The following CDK14 variants were observed in gnomAD, a reference collection of about 807,000 sequenced individuals.
CDK14 encodes the protein cyclin dependent kinase 14, also known as cyclin-dependent kinase 14.
A neutral mutation model predicts 60.7 loss-of-function variants in CDK14; 34 were observed. The ratio of observed to expected loss-of-function variants is 0.56; its 90% CI spans 0.43 to 0.75. The LOEUF (loss-of-function observed/expected upper bound fraction) is 0.75. Ranked by LOEUF, CDK14 falls within the 30% of genes least tolerant of loss-of-function variation. The pLI, the probability that CDK14 is intolerant of heterozygous loss-of-function variation, is 0.00. For synonymous variants in CDK14, 197 were observed against 203.7 expected, an observed-to-expected ratio of 0.97 and a Z score of 0.28; for missense variants, 482 against 564.1, an observed-to-expected ratio of 0.85 and a Z score of 1.47.
Position 90,965,889 on chromosome 7 carries a change from C to A in CDK14, c.947+10072C>A, listed in dbSNP as rs1002023387. 2.0e-5 allele frequency among the ~76,000 whole-genome samples: 3 copies of A among 152,110 alleles called. No homozygotes were observed. The South Asian group carries it at 6.2e-4, about 32-fold the overall frequency. On this transcript the variant is annotated intron_variant, in intron 9 of 14. Coordinates refer to ENST00000380050, the MANE Select transcript of CDK14 (RefSeq NM_001287135.2). ...CTGCTGAGAAGTGTGATTCCATTCTCCACTTCTCGATCATTTGTGTGCCCT... is the reference window on the plus strand; with the variant it reads ...CTGCTGAGAAGTGTGATTCCATTCTACACTTCTCGATCATTTGTGTGCCCT...
chr7:91,193,376 A>C (rs1361649328), intron 14 of CDK14, among the ~76,000 whole-genome samples: 1 of 152,172 alleles, frequency 6.6e-6, no homozygotes, highest in African/African-American at 2.4e-5. Context: ...TAAGTTTGGC[A>C]GTGACTCAGA....
intron 2 of CDK14, among the ~76,000 whole-genome samples, chr7:90,623,800 A>G (rs1799822813): frequency 6.6e-6 from 1 of 152,126 alleles, no homozygotes; most frequent in Admixed American, 6.6e-5. Context: ...AGTGCTTATT[A>G]TCTCTCACTG....
intron 4 of CDK14, among the ~76,000 whole-genome samples, chr7:90,761,055 G>A (rs772848031): frequency 1.1e-4 from 16 of 152,226 alleles, no homozygotes; most frequent in Non-Finnish European, 1.5e-4. Context: ...GCTTGCAGCA[G>A]ATAAACAAAC....
chr7:90,917,691 A>T lies in CDK14; in HGVS notation c.793A>T (p.Ser265Cys), dbSNP rs1194624302. 6 of 1,613,512 alleles carry T rather than the reference A, an allele frequency of 3.7e-6. No individual in the cohort carries two copies. Among genetic ancestry groups the T allele is most frequent in the Non-Finnish European group, 5.1e-6 (6 of 1,179,622 alleles). ...CCTGAAACCACAGAACCTTCTGATC[A>T]GTGACACGGGGGAGTTAAAGCTGGC... ...RDLKPQNLLI[S>C]DTGELKLADF... Residue 265 changes from serine to cysteine, a missense_variant, in exon 8 of 15, where the codon AGT (serine) becomes TGT (cysteine). By Grantham distance (112) the Ser-to-Cys change is moderately radical. Transcript: ENST00000380050.
At chr7:90,929,733 A>C (rs1168585609) in intron 8 of CDK14, among the ~76,000 whole-genome samples, 2 of 152,240 alleles carry the variant, frequency 1.3e-5, no homozygotes, top group African/African-American at 4.8e-5. Context: ...TTTATTCCTC[A>C]TAAACAGCTT....
chr7:90,948,944 G>A (rs928087733), intron 8 of CDK14, among the ~76,000 whole-genome samples: 1 of 152,126 alleles, frequency 6.6e-6, no homozygotes, highest in Admixed American at 6.5e-5. Context: ...ATAGTATTTA[G>A]CCAAAGAATT....
intron 4 of CDK14, among the ~76,000 whole-genome samples, chr7:90,775,961 T>G (rs3824037): frequency 0.068 from 10,409 of 152,036 alleles, 807 homozygotes; most frequent in East Asian, 0.41. Context: ...CATAGAGAAC[T>G]AATTAACATA....
chr7:90,791,795 G>A (rs968779875), intron 5 of CDK14, among the ~76,000 whole-genome samples: 13 of 152,058 alleles, frequency 8.5e-5, no homozygotes, highest in African/African-American at 2.7e-4. Flanking sequence ...CAGATTGCAT[G>A]GTTGAAACGG....
At chr7:90,815,282 A>G (rs1789302449) in intron 5 of CDK14, among the ~76,000 whole-genome samples, 1 of 152,234 alleles carries the variant, frequency 6.6e-6, no homozygotes, top group South Asian at 2.1e-4. Flanking sequence ...TTTAAGCAGT[A>G]ATGAAAATGG....
At chr7:90,914,244 G>A (rs1202229798) in intron 7 of CDK14, among the ~76,000 whole-genome samples, 2 of 152,152 alleles carry the variant, frequency 1.3e-5, no homozygotes, top group African/African-American at 2.4e-5. Context: ...TGTTTTCAGA[G>A]TGACAAGTTT....
intron 14 of CDK14, among the ~76,000 whole-genome samples, chr7:91,164,318 A>G (rs1335941263): frequency 6.6e-6 from 1 of 152,204 alleles, no homozygotes; most frequent in Non-Finnish European, 1.5e-5. Context: ...TAATATTTAT[A>G]TAGTGCCTAT....
At chr7:90,752,649 A>G (rs569250309) in intron 4 of CDK14, among the ~76,000 whole-genome samples, 39 of 152,308 alleles carry the variant, frequency 2.6e-4, no homozygotes, top group Non-Finnish European at 3.7e-4. Context: ...AAGAAAAAAC[A>G]TAACTAAAAT....
intron 10 of CDK14, among the ~76,000 whole-genome samples, chr7:91,022,621 C>T (rs936505248): frequency 2.0e-5 from 3 of 152,184 alleles, no homozygotes; most frequent in African/African-American, 4.8e-5. Flanking sequence ...AAGGCAAACA[C>T]GTTACCATTG....
chr7:90,925,408 T>G (rs547457436), intron 8 of CDK14, among the ~76,000 whole-genome samples: 6 of 152,304 alleles, frequency 3.9e-5, no homozygotes, highest in African/African-American at 1.4e-4. Context: ...ATCATGCGAA[T>G]GGAATAACTG....
intron 2 of CDK14, among the ~76,000 whole-genome samples, chr7:90,688,900 C>CT (rs1356690079): frequency 2.6e-5 from 4 of 152,152 alleles, no homozygotes; most frequent in Non-Finnish European, 1.5e-5. Flanking sequence ...TCCCTTTTCT[C>CT]TCTCCTTTCC....
chr7:90,896,041 G>T (rs930909626), intron 6 of CDK14, among the ~76,000 whole-genome samples: 1 of 151,756 alleles, frequency 6.6e-6, no homozygotes, highest in African/African-American at 2.4e-5. Flanking sequence ...TTTAATGTCT[G>T]CTATTAACTG....
intron 2 of CDK14, chr7:90,709,964 C>A: frequency 9.4e-7 from 1 of 1,066,608 alleles, no homozygotes; most frequent in Non-Finnish European, 1.1e-6. Flanking sequence ...AACGGTAAGA[C>A]AGAGCATGCT....
chr7:90,808,114 A>G (rs953430256), intron 5 of CDK14, among the ~76,000 whole-genome samples: 31 of 152,208 alleles, frequency 2.0e-4, no homozygotes, highest in African/African-American at 7.2e-4. Flanking sequence ...AATACAGACA[A>G]CACCACAAAG....
chr7:90,829,848 G>T (rs1439340622), intron 5 of CDK14, among the ~76,000 whole-genome samples: 2 of 152,138 alleles, frequency 1.3e-5, no homozygotes, highest in Non-Finnish European at 2.9e-5. Flanking sequence ...AAATCTTAAA[G>T]CTCCAAAACA....
Sources: gnomAD v4.1 joint callset for allele counts (sites outside exome capture counted in the v4.1 genomes callset) on GRCh38, gnomAD v4.1.1 for gene constraint, MANE v1.5 for transcripts, NCBI Gene and HGNC (gene_info 2026-07-23, HGNC 2026-07-21) for gene names.